The following HTATIP2 variants were observed in gnomAD, a reference collection of about 807,000 sequenced individuals.
HTATIP2 encodes the protein HIV-1 Tat interactive protein 2, also known as protein HTATIP2.
In HTATIP2, 26 loss-of-function variants were observed where a neutral mutation model predicts 24.7. The observed-to-expected ratio is 1.05, with a 90% CI of 0.77 to 1.46. The LOEUF (loss-of-function observed/expected upper bound fraction) is 1.46, where lower values mean the gene tolerates loss of function less well. Ranked by LOEUF, HTATIP2 falls within the 40% of genes most tolerant of loss-of-function variation. The pLI is 0.00. For missense variants in HTATIP2, 284 were observed against 289.6 expected, an observed-to-expected ratio of 0.98 and a Z score of 0.14; for synonymous variants, 99 against 113.2, an observed-to-expected ratio of 0.87 and a Z score of 0.79.
At chr11:20,382,935 C>A in intron 4 of HTATIP2, 45 bp from the exon 5 acceptor site, 1 of 1,460,940 alleles carries the variant, frequency 6.8e-7, no homozygotes, top group Admixed American at 2.1e-5. Context: ...CAATTTACCA[C>A]CTCTTCCTCT....
chr11:20,380,426 G>T (rs937583192), intron 3 of HTATIP2, among the ~76,000 whole-genome samples: 2 of 152,004 alleles, frequency 1.3e-5, no homozygotes, highest in African/African-American at 4.8e-5. Flanking sequence ...TAATCCCAGC[G>T]CTTTGGGAGG....
rs1310375863 is a variant in HTATIP2 at position 20,364,206 on chromosome 11, A to G, written c.-32A>G. The G allele has an allele frequency of 1.3e-6, 2 of 1,571,020 alleles. No homozygotes were observed. The highest frequency in any genetic ancestry group is 4.5e-5 in the East Asian group (2 of 44,176). The stretch of plus-strand genomic sequence containing the variant: ...GGACTGGCAGTCCCCTGACACCCTA[A>G]GACCGGCATCTGTCGATGTTATTTC... On this transcript the variant is annotated 5_prime_UTR_variant, in exon 1 of 5. It removes the in-frame stop codon of an upstream open reading frame in the 5' UTR. Coordinates refer to ENST00000451739, the MANE Select transcript of HTATIP2 (RefSeq NM_001098522.2).
At position 20,376,652 on chromosome 11, in the gene HTATIP2, C is replaced by T; in HGVS notation, c.376C>T (p.His126Tyr). The T allele has an allele frequency of 1.9e-6, 3 of 1,613,760 alleles. No homozygotes were observed. Among genetic ancestry groups the T allele is most frequent in the Non-Finnish European group, 1.7e-6 (2 of 1,179,686 alleles). Reference protein sequence around the residue: ...AELAKAGGCKHFNLLSSKGAD... With the variant: ...AELAKAGGCKYFNLLSSKGAD... ...GCTGGCAAAAGCTGGAGGGTGCAAA[C>T]ATTTCAACTTGCTATCCTCTAAAGG... The change falls in exon 3 of 5, where the codon CAT (histidine) becomes TAT (tyrosine). Residue 126 changes from histidine (H) to tyrosine (Y), a missense_variant. Coordinates refer to ENST00000451739, the MANE Select transcript of HTATIP2 (RefSeq NM_001098522.2).
intron 2 of HTATIP2, among the ~76,000 whole-genome samples, chr11:20,370,637 A>C (rs2064762107): frequency 6.6e-6 from 1 of 152,168 alleles, no homozygotes; most frequent in African/African-American, 2.4e-5. Flanking sequence ...CCTGTGAGCT[A>C]AGAATGTCTT....
Position 20,382,228 on chromosome 11 carries a change from AT to A in HTATIP2, c.495del (p.Phe165LeufsTer40). 1 of 1,575,910 alleles carries A rather than the reference AT, an allele frequency of 6.3e-7. No individual in the cohort carries two copies. Among genetic ancestry groups the A allele is most frequent in the Non-Finnish European group, 8.7e-7 (1 of 1,145,302 alleles). On this transcript the variant is annotated frameshift_variant, in exon 4 of 5. Transcript: ENST00000451739. LOFTEE classifies it high-confidence loss of function. ...AATTAAAATTTGATCGTTACTCTGT[AT>A]TTAGGCCTGGGTAAGTATAATATTT... Reference protein sequence around the residue: ...EELKFDRYSVFRPGVLLCDRQ... With the variant: ...EELKFDRYSVXRPGVLLCDRQ...
intron 3 of HTATIP2, among the ~76,000 whole-genome samples, chr11:20,380,671 CA>C (rs35392320): frequency 0.22 from 17,708 of 81,086 alleles, 975 homozygotes; most frequent in African/African-American, 0.38. Flanking sequence ...GACTCCATCT[CA>C]AAAAAAAAAA....
At chr11:20,381,052 T>C (rs1046071934) in intron 3 of HTATIP2, among the ~76,000 whole-genome samples, 6 of 152,158 alleles carry the variant, frequency 3.9e-5, no homozygotes, top group Non-Finnish European at 8.8e-5. Flanking sequence ...GCTAATGATA[T>C]GGGATTTCTT....
intron 2 of HTATIP2, among the ~76,000 whole-genome samples, chr11:20,375,671 A>G (rs1355290749): frequency 6.6e-6 from 1 of 152,200 alleles, no homozygotes; most frequent in African/African-American, 2.4e-5. Flanking sequence ...GTTCAGCTTC[A>G]ATAGACTTTA....
At chr11:20,365,796 C>T (rs1386298140) in intron 1 of HTATIP2, among the ~76,000 whole-genome samples, 1 of 151,628 alleles carries the variant, frequency 6.6e-6, no homozygotes, top group Non-Finnish European at 1.5e-5. Flanking sequence ...CATGGTGAAA[C>T]CCTGTCTCTA....
At chr11:20,368,961 C>A (rs540541961) in intron 2 of HTATIP2, among the ~76,000 whole-genome samples, 1 of 152,146 alleles carries the variant, frequency 6.6e-6, no homozygotes, top group African/African-American at 2.4e-5. Flanking sequence ...TGAGCCTAGA[C>A]TATTCACCTA....
Position 20,383,175 on chromosome 11 carries a change from G to C in HTATIP2, c.699G>C (p.Leu233=). 1 of 1,613,752 alleles carries C rather than the reference G, an allele frequency of 6.2e-7. No homozygotes were observed. Among genetic ancestry groups the C allele is most frequent in the Non-Finnish European group, 8.5e-7 (1 of 1,179,830 alleles). ...ELLENKAIHD[L]GKAHGSLKP ...TGGAGAACAAGGCCATCCATGACCTGGGGAAAGCGCATGGCTCTCTCAAGC... is the reference window on the plus strand; with the variant it reads ...TGGAGAACAAGGCCATCCATGACCTCGGGAAAGCGCATGGCTCTCTCAAGC... The change falls in exon 5 of 5, where the codon CTG becomes CTC. Residue 233 remains leucine, a synonymous_variant. Coordinates refer to ENST00000451739, the MANE Select transcript of HTATIP2 (RefSeq NM_001098522.2).
chr11:20,364,374 A>G lies in HTATIP2; in HGVS notation c.137A>G (p.Lys46Arg). ...ATCCTGGAGCAGGGCCTGTTTTCCA[A>G]AGTCACGCTCATTGGCCGGAGGAAG... is the stretch of plus-strand genomic sequence containing the variant. ...KEILEQGLFS[K>R]VTLIGRRKLT... Residue 46 changes from lysine to arginine, a missense_variant, in exon 1 of 5, where the codon AAA (lysine) becomes AGA (arginine). By Grantham distance (26) the Lys-to-Arg change is conservative. Transcript: ENST00000451739. The G allele has an allele frequency of 6.2e-7, 1 of 1,613,404 alleles. No individual in the cohort carries two copies. Among genetic ancestry groups the G allele is most frequent in the African/African-American group, 1.3e-5 (1 of 75,040 alleles).
chr11:20,365,970 C>CAA (rs1161230646), intron 1 of HTATIP2, among the ~76,000 whole-genome samples: 20 of 96,752 alleles, frequency 2.1e-4, no homozygotes, highest in African/African-American at 5.9e-4. Context: ...GACTCTGTCT[C>CAA]AAAAAAAAAA....
chr11:20,378,936 C>T (rs929960656), intron 3 of HTATIP2, among the ~76,000 whole-genome samples: 2 of 152,158 alleles, frequency 1.3e-5, no homozygotes, highest in Middle Eastern at 3.2e-3. Flanking sequence ...ACTCGGGAGG[C>T]TGAGGCAGGA....
At chr11:20,373,665 ATAAC>A (rs763879196) in intron 2 of HTATIP2, among the ~76,000 whole-genome samples, 2 of 152,256 alleles carry the variant, frequency 1.3e-5, no homozygotes, top group Non-Finnish European at 2.9e-5. Flanking sequence ...TTTGTTGTGA[ATAAC>A]TAACCTGTCA....
intron 2 of HTATIP2, 82 bp downstream of exon 2, chr11:20,367,363 G>T (rs1441050528): frequency 1.2e-6 from 2 of 1,604,272 alleles, no homozygotes; most frequent in Non-Finnish European, 1.7e-6. Flanking sequence ...TTTTCTTTGT[G>T]CCTGTTGCAA....
chr11:20,369,823 T>C (rs1274674178), intron 2 of HTATIP2, among the ~76,000 whole-genome samples: 1 of 152,214 alleles, frequency 6.6e-6, no homozygotes, highest in Non-Finnish European at 1.5e-5. Context: ...GAGTTCAACA[T>C]ACGCATTTTG....
chr11:20,377,998 A>T (rs1377158765), intron 3 of HTATIP2, among the ~76,000 whole-genome samples: 4 of 152,168 alleles, frequency 2.6e-5, no homozygotes, highest in African/African-American at 9.7e-5. Context: ...CAGTGATATT[A>T]TACTGGAACT....
chr11:20,370,862 G>T (rs1176635389), intron 2 of HTATIP2, among the ~76,000 whole-genome samples: 1 of 152,280 alleles, frequency 6.6e-6, no homozygotes, highest in East Asian at 1.9e-4. Flanking sequence ...TGTTAGCCAG[G>T]ATGGTCTCGA....
Sources: gnomAD v4.1 joint callset for allele counts (sites outside exome capture counted in the v4.1 genomes callset) on GRCh38, gnomAD v4.1.1 for gene constraint, MANE v1.5 for transcripts, NCBI Gene and HGNC (gene_info 2026-07-23, HGNC 2026-07-21) for gene names.